Variants in DIS3L2 observed in about 807,000 individuals in gnomAD.
The protein encoded by DIS3L2 is DIS3 like 3'-5' exoribonuclease 2, also known as DIS3-like exonuclease 2.
Under a neutral mutation model 97.5 loss-of-function variants are expected in DIS3L2, and 34 were observed. That is an observed-to-expected ratio of 0.35 (90% CI 0.27 to 0.46). The LOEUF is 0.46. DIS3L2 is among the 20% of genes least tolerant of loss of function. The probability of loss-of-function intolerance (pLI) is 1.00; values close to 1 mark genes in which losing one functional copy is unlikely to be tolerated. For synonymous variants in DIS3L2, 435 were observed against 445.2 expected, an observed-to-expected ratio of 0.98 and a Z score of 0.29; for missense variants, 1,038 against 1,146.0, an observed-to-expected ratio of 0.91 and a Z score of 1.36.
chr2:231,986,714 G>A (rs1693424188), intron 1 of DIS3L2, among the ~76,000 whole-genome samples: 1 of 152,138 alleles, frequency 6.6e-6, no homozygotes, highest in African/African-American at 2.4e-5. Flanking sequence ...GAAATAATTT[G>A]CTCAAGTCAT....
chr2:232,212,005 C>T (rs989442287), intron 10 of DIS3L2, among the ~76,000 whole-genome samples: 1 of 151,908 alleles, frequency 6.6e-6, no homozygotes, highest in Non-Finnish European at 1.5e-5. Flanking sequence ...ATTACAAGCA[C>T]GAGCCACTGT....
At chr2:232,080,982 G>A (rs940871354) in intron 5 of DIS3L2, among the ~76,000 whole-genome samples, 1 of 151,076 alleles carries the variant, frequency 6.6e-6, no homozygotes, top group African/African-American at 2.4e-5. Context: ...TTGTTGATAT[G>A]TAACAAATAT....
intron 5 of DIS3L2, among the ~76,000 whole-genome samples, chr2:232,070,320 T>C (rs1695977062): frequency 7.1e-6 from 1 of 141,092 alleles, no homozygotes; most frequent in Admixed American, 7.5e-5. Flanking sequence ...TTTTCTAGTT[T>C]ACCCAGATTT....
At chr2:232,270,015 T>C (rs1428902484) in intron 13 of DIS3L2, among the ~76,000 whole-genome samples, 2 of 152,092 alleles carry the variant, frequency 1.3e-5, no homozygotes, top group African/African-American at 4.8e-5. Flanking sequence ...GACAAGCCTG[T>C]AGCAAATTGA....
At chr2:232,343,558 A>G (rs2106364128) in exon 14 of DIS3L2, 1 of 1,571,026 alleles carries the variant, frequency 6.4e-7, no homozygotes, top group East Asian at 2.4e-5. Flanking sequence ...GGAGCAGACA[A>G]CCCAGTTGCA....
intron 13 of DIS3L2, among the ~76,000 whole-genome samples, chr2:232,291,960 C>G (rs1694611929): frequency 6.6e-6 from 1 of 152,198 alleles, no homozygotes; most frequent in South Asian, 2.1e-4. Flanking sequence ...TCTTCCCTAA[C>G]TGATGGAGTT....
intron 9 of DIS3L2, among the ~76,000 whole-genome samples, chr2:232,204,144 G>A (rs1202048253): frequency 1.3e-5 from 2 of 152,158 alleles, no homozygotes; most frequent in Admixed American, 1.3e-4. Flanking sequence ...TGATGTGGTA[G>A]GGGCCATGAC....
At chr2:232,279,561 C>T (rs868501028) in intron 13 of DIS3L2, among the ~76,000 whole-genome samples, 42 of 151,860 alleles carry the variant, frequency 2.8e-4, no homozygotes, top group African/African-American at 9.4e-4. Flanking sequence ...GATAGTCTTG[C>T]ACTATCGCCC....
At chr2:231,972,309 A>G (rs1019471594) in intron 1 of DIS3L2, among the ~76,000 whole-genome samples, 2 of 152,238 alleles carry the variant, frequency 1.3e-5, no homozygotes, top group African/African-American at 4.8e-5. Context: ...TGCATACTGT[A>G]TGTAATTGTA....
chr2:232,138,919 TACATTTAGTTCA>T (rs1698433841), intron 8 of DIS3L2, among the ~76,000 whole-genome samples: 1 of 152,218 alleles, frequency 6.6e-6, no homozygotes, highest in Non-Finnish European at 1.5e-5. Flanking sequence ...CTTCTGTAGT[TACATTTAGTTCA>T]CCAGGCTGGT....
At chr2:232,086,335 A>G (rs1305070417) in intron 5 of DIS3L2, among the ~76,000 whole-genome samples, 3 of 141,884 alleles carry the variant, frequency 2.1e-5, no homozygotes, top group African/African-American at 8.0e-5. Flanking sequence ...ATGCATATGT[A>G]TATATACATA....
intron 5 of DIS3L2, among the ~76,000 whole-genome samples, chr2:232,070,487 G>A (rs777722752): frequency 6.6e-6 from 1 of 151,938 alleles, no homozygotes; most frequent in Non-Finnish European, 1.5e-5. Flanking sequence ...ATCCTGCTGT[G>A]TTCTATGAAC....
chr2:232,305,761 C>A (rs1694972775), intron 14 of DIS3L2, among the ~76,000 whole-genome samples: 2 of 152,066 alleles, frequency 1.3e-5, no homozygotes, highest in African/African-American at 4.8e-5. Context: ...TCGAGACCAG[C>A]CTGGCCAACA....
At chr2:232,336,440 T>A in intron 20 of DIS3L2, 29 bp from the exon 21 acceptor site, 1 of 1,599,526 alleles carries the variant, frequency 6.3e-7, no homozygotes, top group Non-Finnish European at 8.5e-7. Flanking sequence ...CCTGCCATCC[T>A]TGTCCCCTCA....
chr2:232,188,096 C>T (rs922334454), intron 9 of DIS3L2, among the ~76,000 whole-genome samples: 1 of 151,900 alleles, frequency 6.6e-6, no homozygotes, highest in Non-Finnish European at 1.5e-5. Flanking sequence ...GCTGAGATCG[C>T]GCCATAGCCC....
intron 14 of DIS3L2, among the ~76,000 whole-genome samples, chr2:232,302,495 A>C (rs1363050219): frequency 2.0e-5 from 3 of 150,976 alleles, no homozygotes; most frequent in Non-Finnish European, 3.0e-5. Context: ...GTTCATTCTC[A>C]ATCTTTAGAC....
At chr2:232,133,133 C>T (rs1025524578) in intron 7 of DIS3L2, among the ~76,000 whole-genome samples, 6 of 152,154 alleles carry the variant, frequency 3.9e-5, no homozygotes, top group African/African-American at 1.4e-4. Context: ...CCAGGTAGCA[C>T]CAATAAAGGT....
At chr2:232,336,281 T>A in intron 20 of DIS3L2, 188 bp from the exon 21 acceptor site, 1 of 1,546,348 alleles carries the variant, frequency 6.5e-7, no homozygotes, top group Non-Finnish European at 8.7e-7. Flanking sequence ...TCAGGATGCA[T>A]CTGACTCCCC....
chr2:232,333,887 C>A lies in DIS3L2; in HGVS notation c.2058C>A (p.Phe686Leu). The change falls in exon 17 of 21, where the codon TTC (phenylalanine) becomes TTA (leucine). Residue 686 changes from phenylalanine to leucine, a missense_variant. Phe to Leu is a conservative substitution (Grantham distance 22, BLOSUM62 0). This residue lies in a region of DIS3L2 where 813 missense variants were observed against 880.1 expected (regional missense o/e 0.92). Coordinates refer to ENST00000325385, the MANE Select transcript of DIS3L2 (RefSeq NM_152383.5). ...GGCTGCTGCAGGACCCAGCGCAGTT[C>A]CGGCACTACGCGCTCAATGTGCCCC... is the stretch of plus-strand genomic sequence containing the variant. ...CSGLLQDPAQ[F>L]RHYALNVPLY... is the part of the protein sequence containing the mutation. 2.5e-6 allele frequency: 4 copies of A among 1,612,898 alleles called. No homozygotes were observed. The highest frequency in any genetic ancestry group is 2.5e-6 in the Non-Finnish European group (3 of 1,179,910).
Sources: allele counts gnomAD v4.1 joint callset (sites outside exome capture counted in the v4.1 genomes callset), GRCh38; gene constraint gnomAD v4.1.1; regional missense constraint gnomAD v4.1.1; transcripts MANE v1.5; gene names NCBI Gene and HGNC (gene_info 2026-07-23, HGNC 2026-07-21).